CTNNA3: variants seen among roughly 807,000 people sequenced by gnomAD.
The protein encoded by CTNNA3 is catenin alpha 3, also known as catenin alpha-3.
A neutral mutation model predicts 95.7 loss-of-function variants in CTNNA3; 76 were observed. That is an observed-to-expected ratio of 0.79 (90% CI 0.66 to 0.96). CTNNA3 has a LOEUF of 0.96. CTNNA3 is among the 40% of genes least tolerant of loss of function. The pLI is 0.00. For missense variants in CTNNA3, 1,191 were observed against 1,089.8 expected (o/e 1.09, Z -1.31); for synonymous variants, 431 against 374.4 (o/e 1.15, Z -1.74).
At chr10:67,021,841 T>C (rs943545189) in intron 7 of CTNNA3, among the ~76,000 whole-genome samples, 2 of 152,056 alleles carry the variant, frequency 1.3e-5, no homozygotes, top group Admixed American at 6.6e-5. Context: ...AAGGGAAACA[T>C]GGTAGAAATA....
chr10:67,710,580 T>C (rs1271099919), intron 1 of CTNNA3, among the ~76,000 whole-genome samples: 1 of 152,068 alleles, frequency 6.6e-6, no homozygotes, highest in African/African-American at 2.4e-5. Context: ...CAGTGACATA[T>C]CCACAACAGT....
chr10:66,307,266 A>T (rs1286780470), intron 12 of CTNNA3, among the ~76,000 whole-genome samples: 1 of 152,160 alleles, frequency 6.6e-6, no homozygotes, highest in Non-Finnish European at 1.5e-5. Context: ...TGAAGTCTGC[A>T]CTCTTTAATG....
At chr10:66,785,884 C>T (rs1840720519) in intron 7 of CTNNA3, among the ~76,000 whole-genome samples, 1 of 152,106 alleles carries the variant, frequency 6.6e-6, no homozygotes, top group Non-Finnish European at 1.5e-5. Context: ...ACACTCTCTT[C>T]CCCCAACCCC....
chr10:67,181,737 G>A (rs1328207435), intron 6 of CTNNA3, among the ~76,000 whole-genome samples: 1 of 151,888 alleles, frequency 6.6e-6, no homozygotes, highest in Non-Finnish European at 1.5e-5. Flanking sequence ...ATAAATATTT[G>A]GGGATTGAAA....
intron 5 of CTNNA3, among the ~76,000 whole-genome samples, chr10:67,329,040 T>A (rs539747004): frequency 6.6e-6 from 1 of 152,354 alleles, no homozygotes; most frequent in East Asian, 1.9e-4. Context: ...AATTGATTTA[T>A]CCATTGATCC....
rs149431518 is a variant in CTNNA3, at chr10:66,716,939, T to A, written c.1281+49325A>T. Among the ~76,000 whole-genome samples the A allele has an allele frequency of 7.3e-3, 1,116 of 152,228 alleles. 11 individuals carry two copies. Among genetic ancestry groups the A allele is most frequent in the South Asian group, 0.024 (114 of 4,822 alleles). On this transcript the variant is annotated intron_variant, in intron 9 of 17. Transcript: ENST00000433211. ...GGTATTTTACAGACGTGGTGAGCAT[T>A]TCTTAATCAACTGACTTTAATTAAA...
At chr10:66,702,347 G>A (rs1353952386) in intron 9 of CTNNA3, among the ~76,000 whole-genome samples, 1 of 152,032 alleles carries the variant, frequency 6.6e-6, no homozygotes, top group African/African-American at 2.4e-5. Context: ...GGACCAGGAA[G>A]TGAGTCCTCT....
At chr10:66,247,343 T>A (rs1167706927) in intron 13 of CTNNA3, among the ~76,000 whole-genome samples, 2 of 152,162 alleles carry the variant, frequency 1.3e-5, no homozygotes, top group African/African-American at 4.8e-5. Context: ...TTGCTGGACC[T>A]GCCTGGGGTT....
chr10:66,139,825 T>A (rs1317977602), intron 13 of CTNNA3, among the ~76,000 whole-genome samples: 2 of 152,154 alleles, frequency 1.3e-5, no homozygotes, highest in Non-Finnish European at 2.9e-5. Context: ...CCTGAGATGA[T>A]GTTTAGGTCA....
chr10:66,502,724 A>G lies in CTNNA3; in HGVS notation c.1531+17893T>C, dbSNP rs530911336. Among the ~76,000 whole-genome samples, 3 of 149,458 alleles carry G rather than the reference A, an allele frequency of 2.0e-5. No homozygotes were observed. The East Asian group carries it at 5.8e-4, about 29-fold the overall frequency. On this transcript the variant is annotated intron_variant, in intron 11 of 17. Transcript: ENST00000433211. ...TATTTGCTCATTTCCCCATTGATGG[A>G]AAAAAAAAACTCTATAATGATCATA...
intron 9 of CTNNA3, among the ~76,000 whole-genome samples, chr10:66,719,276 C>A (rs1231625318): frequency 6.6e-6 from 1 of 152,068 alleles, no homozygotes; most frequent in East Asian, 1.9e-4. Context: ...GTCTCTAGTA[C>A]AATGTCGGTG....
intron 5 of CTNNA3, among the ~76,000 whole-genome samples, chr10:67,220,355 A>T (rs1864595642): frequency 6.6e-6 from 1 of 152,204 alleles, no homozygotes; most frequent in African/African-American, 2.4e-5. Flanking sequence ...CTAATAAATT[A>T]ATCCTATATC....
chr10:67,310,363 CT>C (rs1840739970), intron 5 of CTNNA3, among the ~76,000 whole-genome samples: 1 of 152,142 alleles, frequency 6.6e-6, no homozygotes, highest in South Asian at 2.1e-4. Context: ...GTAAACAGCA[CT>C]AAAACCAGCT....
intron 11 of CTNNA3, among the ~76,000 whole-genome samples, chr10:66,519,742 T>A (rs900988926): frequency 6.6e-6 from 1 of 152,102 alleles, no homozygotes; most frequent in Non-Finnish European, 1.5e-5. Context: ...ATGTCTCATG[T>A]CTCCCTAAAA....
At position 67,180,518 on chromosome 10, in the gene CTNNA3, A is replaced by G. The variant is rs1862483639; in HGVS notation, c.846T>C (p.Asn282=). The change falls in exon 7 of 18, where the codon AAT becomes AAC. Residue 282 remains asparagine, a splice_region_variant and synonymous_variant. Transcript: ENST00000433211. ...CTGTGAGTGGATTCAGGACAATTAA[A>G]TTCTAAGAGAAGAACACATTTGTAT... is the stretch of plus-strand genomic sequence containing the variant. ...TLGSALDELE[N]LIVLNPLTVT... The G allele has an allele frequency of 6.2e-7, 1 of 1,611,116 alleles. No homozygotes were observed. Among genetic ancestry groups the G allele is most frequent in the Non-Finnish European group, 8.5e-7 (1 of 1,177,484 alleles).
At chr10:67,492,844 T>TG (rs1376696782) in intron 5 of CTNNA3, among the ~76,000 whole-genome samples, 1 of 152,178 alleles carries the variant, frequency 6.6e-6, no homozygotes, top group Non-Finnish European at 1.5e-5. Flanking sequence ...AATAAAACCA[T>TG]GCCTTCACTG....
chr10:67,403,527 A>C (rs1185252749), intron 5 of CTNNA3: 1 of 152,006 alleles, frequency 6.6e-6, no homozygotes, highest in African/African-American at 2.4e-5. Flanking sequence ...AACCACCCTC[A>C]CCCATGTTCT....
At chr10:67,199,707 T>C (rs1473714082) in intron 6 of CTNNA3, among the ~76,000 whole-genome samples, 1 of 152,162 alleles carries the variant, frequency 6.6e-6, no homozygotes, top group Non-Finnish European at 1.5e-5. Flanking sequence ...TCCTGAACTT[T>C]ACAATATTCA....
At chr10:67,289,013 C>G (rs1319434144) in intron 5 of CTNNA3, among the ~76,000 whole-genome samples, 1 of 152,154 alleles carries the variant, frequency 6.6e-6, no homozygotes, top group East Asian at 1.9e-4. Context: ...ATCAAGCACT[C>G]TTTAGAAAAA....
Sources: gnomAD v4.1 joint callset for allele counts (sites outside exome capture counted in the v4.1 genomes callset) on GRCh38, gnomAD v4.1.1 for gene constraint, MANE v1.5 for transcripts, NCBI Gene and HGNC (gene_info 2026-07-23, HGNC 2026-07-21) for gene names.